KANK1: variants seen among roughly 807,000 people sequenced by gnomAD.
KANK1 encodes KN motif and ankyrin repeat domain-containing protein 1.
A neutral mutation model predicts 106.2 loss-of-function variants in KANK1; 109 were observed. The observed-to-expected ratio is 1.03, with a 90% confidence interval of 0.88 to 1.20. The LOEUF (loss-of-function observed/expected upper bound fraction) is 1.20. Ranked by LOEUF, KANK1 falls within the 50% of genes most tolerant of loss-of-function variation. The pLI, the probability that KANK1 is intolerant of heterozygous loss-of-function variation, is 0.00. For missense variants in KANK1, 2,399 were observed against 1,710.7 expected (o/e 1.40, Z -7.10); for synonymous variants, 873 against 652.2 (o/e 1.34, Z -5.16).
At chr9:486,523 G>A (rs1221194248) in intron 3 of KANK1, among the ~76,000 whole-genome samples, 1 of 152,108 alleles carries the variant, frequency 6.6e-6, no homozygotes, top group African/African-American at 2.4e-5. Context: ...GTCTGTAGAG[G>A]TCACATAACT....
intron 3 of KANK1, among the ~76,000 whole-genome samples, chr9:484,976 A>G (rs1336846384): frequency 3.9e-5 from 6 of 152,236 alleles, no homozygotes; most frequent in South Asian, 2.1e-4. Context: ...AAATGTGTCA[A>G]TGCTTTGGCC....
rs138384292 is a variant in KANK1 at position 472,674 on chromosome 9, C to G, written c.-441-520C>G. On this transcript the variant is annotated intron_variant, in intron 2 of 15. Coordinates refer to the KANK1 transcript ENST00000382303. ...TGAGCTAGTATAGAAAGAGATCCAG[C>G]TGCAAGGACTGGTTACACAATTTGC... is the stretch of plus-strand genomic sequence containing the variant. Among the ~76,000 whole-genome samples, 858 of 152,338 alleles carry G rather than the reference C, an allele frequency of 5.6e-3. 7 individuals are homozygous for G. Among genetic ancestry groups the G allele is most frequent in the South Asian group, 0.055 (267 of 4,822 alleles).
chr9:520,145 C>T (rs1413603210), intron 1 of KANK1, among the ~76,000 whole-genome samples: 2 of 151,672 alleles, frequency 1.3e-5, no homozygotes, highest in African/African-American at 2.4e-5. Flanking sequence ...CAAGACTAGT[C>T]TGGGCAACAT....
chr9:526,000 A>G (rs1399861402), intron 1 of KANK1, among the ~76,000 whole-genome samples: 2 of 151,896 alleles, frequency 1.3e-5, no homozygotes, highest in Non-Finnish European at 1.5e-5. Flanking sequence ...GTTGTTTCTT[A>G]TTCAGGTTAC....
At chr9:675,599 G>T (rs1450176870) in intron 1 of KANK1, among the ~76,000 whole-genome samples, 2 of 151,872 alleles carry the variant, frequency 1.3e-5, no homozygotes, top group Admixed American at 6.6e-5. Context: ...AAATATCAAT[G>T]CAAAATGAAT....
Position 745,447 on chromosome 9 carries a change from C to A in KANK1, c.*212C>A. On this transcript the variant is annotated 3_prime_UTR_variant, in exon 12 of 12. Transcript: ENST00000382297. ...TTCTGGCCGTCTTCTGTGTAGGGCA[C>A]ACTTTAACCCAGTCTCTGTTGCTGT... 1 of 504,348 alleles carries A rather than the reference C, an allele frequency of 2.0e-6. No individual in the cohort carries two copies. The highest frequency in any genetic ancestry group is 3.5e-6 in the Non-Finnish European group (1 of 283,012). 31.2% of individuals were successfully genotyped at this position (504,348 alleles called of 1,614,324 possible).
intron 2 of KANK1, among the ~76,000 whole-genome samples, chr9:681,751 T>C (rs1203552325): frequency 6.6e-6 from 1 of 152,146 alleles, no homozygotes; most frequent in African/African-American, 2.4e-5. Context: ...CGCCATGATA[T>C]TGGGGCCAGA....
chr9:614,634 G>A (rs568963440), intron 1 of KANK1, among the ~76,000 whole-genome samples: 1 of 152,188 alleles, frequency 6.6e-6, no homozygotes, highest in Non-Finnish European at 1.5e-5. Context: ...AATGCCGGAA[G>A]TGCCCCTCAG....
chr9:609,717 C>G (rs934196473), intron 1 of KANK1, among the ~76,000 whole-genome samples: 1 of 152,090 alleles, frequency 6.6e-6, no homozygotes, highest in Non-Finnish European at 1.5e-5. Flanking sequence ...TCTATTGGTA[C>G]TTCTTTTATT....
chr9:494,833 T>TA (rs1204694400), intron 3 of KANK1, among the ~76,000 whole-genome samples: 1 of 151,878 alleles, frequency 6.6e-6, no homozygotes, highest in Non-Finnish European at 1.5e-5. Flanking sequence ...ACTGGCACAA[T>TA]AAAAATAGTG....
intron 1 of KANK1, among the ~76,000 whole-genome samples, chr9:635,403 C>G (rs1252946472): frequency 7.2e-5 from 11 of 152,164 alleles, no homozygotes; most frequent in Non-Finnish European, 1.5e-4. Context: ...CATGCCTGCG[C>G]TGCTCTCTAT....
At chr9:745,138 T>A (rs755511348) in intron 11 of KANK1, 35 bp from the exon 12 acceptor site, 1 of 1,611,328 alleles carries the variant, frequency 6.2e-7, no homozygotes. Context: ...AGGTCACTTA[T>A]TAACCCCCAG....
upstream of KANK1, among the ~76,000 whole-genome samples, chr9:504,254 G>A (rs2058625445): frequency 6.6e-6 from 1 of 152,160 alleles, no homozygotes; most frequent in Non-Finnish European, 1.5e-5. Flanking sequence ...GTGTGTGTGC[G>A]AGGATGGACG....
At chr9:714,079 A>T (rs1827000061) in intron 3 of KANK1, among the ~76,000 whole-genome samples, 1 of 132,988 alleles carries the variant, frequency 7.5e-6, no homozygotes, top group African/African-American at 3.5e-5. Context: ...ATTTCTAAAA[A>T]AATATGAAGT....
At chr9:541,738 TATAAA>T (rs748900745) in intron 1 of KANK1, among the ~76,000 whole-genome samples, 2 of 152,074 alleles carry the variant, frequency 1.3e-5, no homozygotes, top group Non-Finnish European at 2.9e-5. Flanking sequence ...GGGGTTAATA[TATAAA>T]ATATACAAGG....
At chr9:572,302 T>G (rs534786135) in intron 1 of KANK1, among the ~76,000 whole-genome samples, 11 of 151,878 alleles carry the variant, frequency 7.2e-5, no homozygotes, top group African/African-American at 1.4e-4. Context: ...ACTACTTGCT[T>G]GTGCTGCCAT....
At chr9:719,040 A>T (rs1249556775) in intron 3 of KANK1, among the ~76,000 whole-genome samples, 1 of 144,388 alleles carries the variant, frequency 6.9e-6, no homozygotes, top group East Asian at 2.0e-4. Context: ...GCTCATCGCA[A>T]CCTTCACCTC....
chr9:744,548 C>A lies in KANK1; in HGVS notation c.3955C>A (p.Leu1319Ile), dbSNP rs114244116. The change falls in exon 11 of 12, where the codon CTT becomes ATT. Residue 1319 changes from leucine (L) to isoleucine (I), a missense_variant. By Grantham distance (5) the Leu-to-Ile change is conservative (BLOSUM62 2). Transcript: ENST00000382297. Reference protein sequence around the residue: ...LEAGHKDIAVLLYAHVNFAKA... With the variant: ...LEAGHKDIAVILYAHVNFAKA... ...AGCAGGACACAAGGACATCGCTGTT[C>A]TTCTGTATGCCCATGTCAACTTTGC... The A allele has an allele frequency of 1.1e-5, 18 of 1,614,174 alleles. No homozygotes were observed. In the African/African-American group the frequency reaches 2.0e-4, roughly 18 times the overall value.
Position 735,796 on chromosome 9 carries a change from C to T in KANK1, c.3333+961C>T, listed in dbSNP as rs558766975. On this transcript the variant is annotated intron_variant, in intron 7 of 11. Transcript: ENST00000382297. ...ATCACATGAGGTCTGGAGTTCGAGACGAGCTTAGCCAACATGGTGAAACCC... is the reference window on the plus strand; with the variant it reads ...ATCACATGAGGTCTGGAGTTCGAGATGAGCTTAGCCAACATGGTGAAACCC... 5.9e-4 allele frequency: 229 copies of T among 388,356 alleles called. 2 individuals carry two copies. Among genetic ancestry groups the T allele is most frequent in the South Asian group, 3.8e-3 (206 of 54,744 alleles). The allele number at this position is 388,356 out of a possible 1,614,324, so 24.1% of individuals were successfully genotyped here.
Sources: allele counts gnomAD v4.1 joint callset (sites outside exome capture counted in the v4.1 genomes callset), GRCh38; gene constraint gnomAD v4.1.1; transcripts MANE v1.5; gene names NCBI Gene and HGNC (gene_info 2026-07-23, HGNC 2026-07-21).